The following BCAS2 variants were observed in gnomAD, a reference collection of about 807,000 sequenced individuals.
BCAS2 encodes BCAS2 pre-mRNA processing factor.
A neutral mutation model predicts 35.3 loss-of-function variants in BCAS2; 34 were observed. The observed-to-expected ratio is 0.96, with a 90% CI of 0.73 to 1.28. The LOEUF is 1.28. Among genes scored for constraint, BCAS2 ranks in the 50% most tolerant of loss-of-function variants. The pLI is 0.00. For synonymous variants in BCAS2, 75 were observed against 91.6 expected (o/e 0.82, Z 1.03); for missense variants, 221 against 268.1 (o/e 0.82, Z 1.23).
chr1:114,574,520 A>G (rs1214539879), intron 4 of BCAS2, among the ~76,000 whole-genome samples: 1 of 152,278 alleles, frequency 6.6e-6, no homozygotes, highest in Non-Finnish European at 1.5e-5. Context: ...ATATGTGTGC[A>G]CATGAATATG....
At position 114,576,637 on chromosome 1, in the gene BCAS2, A is replaced by G. The variant is rs1213972379; in HGVS notation, c.257+51T>C. On this transcript the variant is annotated intron_variant, in intron 3 of 6. Coordinates refer to ENST00000369541, the MANE Select transcript of BCAS2 (RefSeq NM_005872.3). ...ATACATTCTTCACAAATCTCAGCTC[A>G]TTACTGAGTTACTACAAACTAAATT... is the stretch of plus-strand genomic sequence containing the variant. The G allele has an allele frequency of 4.2e-6, 6 of 1,427,952 alleles. No homozygotes were observed. The South Asian group carries it at 7.1e-5, about 17-fold the overall frequency. The allele number at this position is 1,427,952 out of a possible 1,614,324, so 88.5% of individuals were successfully genotyped here.
At chr1:114,569,778 A>G (rs1039929440) in intron 6 of BCAS2, among the ~76,000 whole-genome samples, 1 of 152,160 alleles carries the variant, frequency 6.6e-6, no homozygotes, top group Non-Finnish European at 1.5e-5. Flanking sequence ...CAATGGTTCA[A>G]TTTAGCAAAG....
chr1:114,575,200 T>C (rs1457155956), intron 4 of BCAS2, among the ~76,000 whole-genome samples: 5 of 146,990 alleles, frequency 3.4e-5, no homozygotes, highest in Non-Finnish European at 6.0e-5. Flanking sequence ...TTTTTTTTTT[T>C]TTTTTGAGAT....
chr1:114,573,229 C>T (rs751460431), intron 4 of BCAS2, among the ~76,000 whole-genome samples: 1 of 148,714 alleles, frequency 6.7e-6, no homozygotes, highest in South Asian at 2.2e-4. Context: ...TTTTCAATGT[C>T]ATATTTTTTC....
intron 3 of BCAS2, among the ~76,000 whole-genome samples, chr1:114,576,222 C>CCCCT (rs1553231242): frequency 1.5e-5 from 2 of 135,052 alleles, no homozygotes; most frequent in Non-Finnish European, 3.2e-5. Context: ...TTCAACACTG[C>CCCCT]CTCTCTCTCT....
At chr1:114,569,293 TG>T (rs575660190) in intron 6 of BCAS2, among the ~76,000 whole-genome samples, 42 of 145,916 alleles carry the variant, frequency 2.9e-4, no homozygotes, top group African/African-American at 9.6e-4. Context: ...ATGGAGACGG[TG>T]GAACAAGAAT....
At chr1:114,572,262 C>T (rs1654663348) in intron 4 of BCAS2, among the ~76,000 whole-genome samples, 1 of 152,176 alleles carries the variant, frequency 6.6e-6, no homozygotes, top group Non-Finnish European at 1.5e-5. Flanking sequence ...CTGTGCCTCT[C>T]TAGGCTTTCC....
In BCAS2 at chr1:114,581,335, C is replaced by G. The variant is rs1175497008; in HGVS notation, c.150G>C (p.Leu50=). 6.2e-7 allele frequency: 1 copy of G among 1,614,184 alleles called. No homozygotes were observed. The highest frequency in any genetic ancestry group is 8.5e-7 in the Non-Finnish European group (1 of 1,180,026). Residue 50 remains leucine, a synonymous_variant, in exon 2 of 7, where the codon CTG becomes CTC. Coordinates refer to ENST00000369541, the MANE Select transcript of BCAS2 (RefSeq NM_005872.3). The part of the protein sequence containing the change: ...TRRYRPTKNY[L]SYLTAPDYSA... ...AATAATCCGGGGCTGTCAGGTAGCT[C>G]AGGTAGTTCTTAGTAGGTCGGTATC... is the stretch of plus-strand genomic sequence containing the variant.
intron 4 of BCAS2, among the ~76,000 whole-genome samples, chr1:114,571,228 T>A (rs1384858243): frequency 6.6e-6 from 1 of 151,136 alleles, no homozygotes; most frequent in African/African-American, 2.4e-5. Context: ...CTAATTTTTG[T>A]ATTTTTTTTT....
At chr1:114,577,414 C>A (rs1330859162) in intron 2 of BCAS2, among the ~76,000 whole-genome samples, 4 of 152,258 alleles carry the variant, frequency 2.6e-5, no homozygotes, top group African/African-American at 9.6e-5. Flanking sequence ...CTCTTGTCCC[C>A]CAGGCTGGAG....
chr1:114,571,205 C>T (rs1654632736), intron 4 of BCAS2, among the ~76,000 whole-genome samples: 2 of 152,118 alleles, frequency 1.3e-5, no homozygotes, highest in South Asian at 4.1e-4. Context: ...CAGGCATGTA[C>T]TGCCATGCCT....
chr1:114,575,030 G>A, intron 4 of BCAS2, among the ~76,000 whole-genome samples: 1 of 145,742 alleles, frequency 6.9e-6, no homozygotes. Flanking sequence ...ACCATGGCCG[G>A]CTAATCTTTT....
intron 4 of BCAS2, among the ~76,000 whole-genome samples, chr1:114,571,097 C>T (rs1654631066): frequency 6.6e-6 from 1 of 151,918 alleles, no homozygotes; most frequent in Admixed American, 6.6e-5. Context: ...GTTCTGTTGC[C>T]CAGGCTGGAG....
intron 6 of BCAS2, 110 bp from the exon 7 acceptor site, chr1:114,568,366 C>A: frequency 1.8e-6 from 2 of 1,094,202 alleles, no homozygotes; most frequent in Non-Finnish European, 2.4e-6. Context: ...CACTAACCTT[C>A]ACTTTTTTTT....
At chr1:114,573,145 A>G (rs951748767) in intron 4 of BCAS2, among the ~76,000 whole-genome samples, 1 of 135,476 alleles carries the variant, frequency 7.4e-6, no homozygotes, top group Non-Finnish European at 1.6e-5. Flanking sequence ...AAAAAAAAAA[A>G]AAAAAACTTG....
intron 2 of BCAS2, among the ~76,000 whole-genome samples, chr1:114,577,469 C>T (rs1570741061): frequency 1.3e-5 from 2 of 152,038 alleles, no homozygotes; most frequent in African/African-American, 2.4e-5. Flanking sequence ...CGGGTTCAAG[C>T]GATTCTCTTG....
intron 3 of BCAS2, among the ~76,000 whole-genome samples, chr1:114,576,431 T>TTTATTATTATTATTA (rs147601064): frequency 0.024 from 3,544 of 147,024 alleles, 76 homozygotes; most frequent in Non-Finnish European, 0.031. Flanking sequence ...CCCAGGTACG[T>TTTATTATTATTATTA]TTATTATTAT....
intron 6 of BCAS2, 44 bp from the exon 7 acceptor site, chr1:114,568,300 ACT>A (rs1352036586): frequency 1.3e-6 from 2 of 1,588,852 alleles, no homozygotes; most frequent in South Asian, 2.2e-5. Context: ...TCAATGTAAA[ACT>A]TCTCTTAGAA....
intron 4 of BCAS2, among the ~76,000 whole-genome samples, chr1:114,574,214 T>C (rs558887105): frequency 6.6e-6 from 1 of 152,360 alleles, no homozygotes; most frequent in Admixed American, 6.5e-5. Context: ...TTACTACTTG[T>C]AGTGTTTTGC....
Sources: gnomAD v4.1 joint callset for allele counts (sites outside exome capture counted in the v4.1 genomes callset) on GRCh38, gnomAD v4.1.1 for gene constraint, MANE v1.5 for transcripts, NCBI Gene and HGNC (gene_info 2026-07-23, HGNC 2026-07-21) for gene names.